Variants in TXNDC11 observed in about 807,000 individuals in gnomAD.
TXNDC11 encodes the protein thioredoxin domain-containing protein 11.
TXNDC11 carries 68 observed loss-of-function variants against 78.0 expected under a neutral mutation model. The ratio of observed to expected loss-of-function variants is 0.87; its 90% CI spans 0.72 to 1.07. TXNDC11 has a LOEUF of 1.07. Ranked by LOEUF, TXNDC11 falls within the 50% of genes least tolerant of loss-of-function variation. The probability of loss-of-function intolerance (pLI) is 0.00; values close to 1 mark genes in which losing one functional copy is unlikely to be tolerated. For synonymous variants in TXNDC11, 571 were observed against 495.2 expected (o/e 1.15, Z -2.03); for missense variants, 1,389 against 1,221.8 (o/e 1.14, Z -2.04).
chr16:11,679,340 G>C lies in TXNDC11; in HGVS notation c.2732C>G (p.Ala911Gly), dbSNP rs2050347139. 1 of 1,612,432 alleles carries C rather than the reference G, an allele frequency of 6.2e-7. No individual in the cohort carries two copies. Among genetic ancestry groups the C allele is most frequent in the Non-Finnish European group, 8.5e-7 (1 of 1,179,582 alleles). The change falls in exon 12 of 12, where the codon GCT becomes GGT. Residue 911 changes from alanine to glycine, a missense_variant. Coordinates refer to ENST00000283033, the MANE Select transcript of TXNDC11 (RefSeq NM_015914.7). This position sits in a 1 kb window ranked among gnomAD's most constrained non-coding sequence, Gnocchi z 4.6. ...CTCTCTCTGGGCCGCCAGGCTTTCA[G>C]CTCCATCCCTGCCCTCCAGTTTCCT... ...MERKLEGRDGAESLAAQREVH... is the reference protein window; with the variant it reads ...MERKLEGRDGGESLAAQREVH...
chr16:11,738,734 C>G (rs976711757), intron 1 of TXNDC11, among the ~76,000 whole-genome samples: 1 of 152,010 alleles, frequency 6.6e-6, no homozygotes, highest in Non-Finnish European at 1.5e-5. Context: ...TTCTACCATT[C>G]AAACTGCACA....
intron 8 of TXNDC11, chr16:11,690,083 G>C (rs902148769): frequency 3.3e-5 from 5 of 152,244 alleles, no homozygotes; most frequent in African/African-American, 9.6e-5. Context: ...GAAGCTCTGA[G>C]TCTACTGTTG....
chr16:11,701,978 T>C (rs1597438810), intron 5 of TXNDC11, among the ~76,000 whole-genome samples: 2 of 148,974 alleles, frequency 1.3e-5, no homozygotes, highest in Admixed American at 1.3e-4. Flanking sequence ...GGCAGGACTA[T>C]ACACCACAAA....
chr16:11,711,790 C>T (rs569254903), intron 5 of TXNDC11, among the ~76,000 whole-genome samples: 27 of 152,208 alleles, frequency 1.8e-4, no homozygotes, highest in Non-Finnish European at 3.2e-4. Flanking sequence ...CAGTTAGCAA[C>T]CCCTCAGAGC....
chr16:11,687,996 G>A (rs959085866), intron 9 of TXNDC11, 30 bp from the exon 10 acceptor site: 7 of 1,512,358 alleles, frequency 4.6e-6, no homozygotes, highest in South Asian at 2.3e-5. Flanking sequence ...GATGTTACTT[G>A]CACCGGGAAA....
At chr16:11,689,365 G>A (rs1017151607) in intron 8 of TXNDC11, among the ~76,000 whole-genome samples, 1 of 152,198 alleles carries the variant, frequency 6.6e-6, no homozygotes, top group Non-Finnish European at 1.5e-5. Flanking sequence ...ATACTAAAGA[G>A]AATTCATGAT....
At chr16:11,706,348 C>T (rs1378567935) in intron 5 of TXNDC11, among the ~76,000 whole-genome samples, 1 of 152,246 alleles carries the variant, frequency 6.6e-6, no homozygotes, top group African/African-American at 2.4e-5. Flanking sequence ...AGGGAGGGTG[C>T]TCCTTGGCTG....
chr16:11,737,455 AAAAG>A lies in TXNDC11; in HGVS notation c.255-1226_255-1223del, dbSNP rs973141139. On this transcript the variant is annotated intron_variant, in intron 1 of 11. Coordinates refer to ENST00000283033, the MANE Select transcript of TXNDC11 (RefSeq NM_015914.7). ...AACAAAACTCCATCTAAAAAAAAAAAAAAGAAAGAAAGTAAGTAAAGGAACAAGA... is the reference window on the plus strand; with the variant it reads ...AACAAAACTCCATCTAAAAAAAAAAAAAAGAAAGTAAGTAAAGGAACAAGA... Among the ~76,000 whole-genome samples, 9 of 152,178 alleles carry A rather than the reference AAAAG, an allele frequency of 5.9e-5. No homozygotes were observed. In the East Asian group the frequency reaches 7.7e-4, roughly 13 times the overall value.
intron 5 of TXNDC11, chr16:11,703,832 C>T: frequency 1.5e-6 from 1 of 662,058 alleles, no homozygotes; most frequent in East Asian, 2.8e-5. Context: ...TGGCTCACGC[C>T]TGTAATCCCA....
chr16:11,696,406 C>T (rs1174886433), intron 7 of TXNDC11, among the ~76,000 whole-genome samples: 1 of 152,194 alleles, frequency 6.6e-6, no homozygotes, highest in Non-Finnish European at 1.5e-5. Flanking sequence ...TCGTCCTCTA[C>T]TTTGAATTAT....
chr16:11,742,404 C>T, intron 1 of TXNDC11, 73 bp downstream of exon 1: 1 of 1,229,960 alleles, frequency 8.1e-7, no homozygotes, highest in Non-Finnish European at 1.0e-6. Flanking sequence ...CCGCTGCGAC[C>T]CGGCCCTGCA....
intron 1 of TXNDC11, among the ~76,000 whole-genome samples, chr16:11,738,163 T>C (rs2052282533): frequency 6.6e-6 from 1 of 152,196 alleles, no homozygotes; most frequent in Admixed American, 6.5e-5. Context: ...CTCAAAATGA[T>C]TATGCTGAGT....
At chr16:11,728,546 G>A in intron 4 of TXNDC11, among the ~76,000 whole-genome samples, 1 of 152,296 alleles carries the variant, frequency 6.6e-6, no homozygotes, top group Middle Eastern at 3.4e-3. Flanking sequence ...TAAGTGGGCT[G>A]CCAAAAAACT....
At chr16:11,740,867 T>C (rs960467693) in intron 1 of TXNDC11, among the ~76,000 whole-genome samples, 1 of 152,184 alleles carries the variant, frequency 6.6e-6, no homozygotes, top group African/African-American at 2.4e-5. Context: ...CATACTAGGC[T>C]CTCAATTATG....
At chr16:11,697,076 T>TA (rs1358349753) in intron 7 of TXNDC11, among the ~76,000 whole-genome samples, 1 of 152,196 alleles carries the variant, frequency 6.6e-6, no homozygotes, top group Non-Finnish European at 1.5e-5. Context: ...TCTAAAGAAA[T>TA]AGTTTTATTA....
At chr16:11,700,630 T>A in intron 5 of TXNDC11, 66 bp from the exon 6 acceptor site, 1 of 792,478 alleles carries the variant, frequency 1.3e-6, no homozygotes, top group Non-Finnish European at 2.2e-6. Flanking sequence ...CAAAACCCAG[T>A]GATCAAGTCT....
intron 5 of TXNDC11, among the ~76,000 whole-genome samples, chr16:11,712,115 G>T (rs1421971700): frequency 1.3e-5 from 2 of 152,076 alleles, no homozygotes; most frequent in Non-Finnish European, 2.9e-5. Flanking sequence ...GGAGAAACAG[G>T]ATCAACACCC....
chr16:11,732,223 A>G (rs1421344705), intron 3 of TXNDC11, among the ~76,000 whole-genome samples: 1 of 152,226 alleles, frequency 6.6e-6, no homozygotes, highest in Non-Finnish European at 1.5e-5. Context: ...AATAGTATAT[A>G]TATGACAATA....
intron 5 of TXNDC11, among the ~76,000 whole-genome samples, chr16:11,713,664 C>T (rs1014696374): frequency 1.3e-5 from 2 of 152,158 alleles, no homozygotes; most frequent in African/African-American, 2.4e-5. Context: ...GATCCATGCG[C>T]CTTGGCCTCC....
Sources: gnomAD v4.1 joint callset for allele counts (sites outside exome capture counted in the v4.1 genomes callset) on GRCh38, gnomAD v4.1.1 for gene constraint, Gnocchi (gnomAD v3.1) non-coding constraint, MANE v1.5 for transcripts, NCBI Gene and HGNC (gene_info 2026-07-23, HGNC 2026-07-21) for gene names.